Variants in UGT2B15 observed in about 807,000 individuals in gnomAD.
The protein encoded by UGT2B15 is UDP glucuronosyltransferase family 2 member B15.
Under a neutral mutation model 45.9 loss-of-function variants are expected in UGT2B15, and 36 were observed. That is an observed-to-expected ratio of 0.78 (90% CI 0.60 to 1.04). UGT2B15 has a LOEUF of 1.04. Among genes scored for constraint, UGT2B15 ranks in the 50% least tolerant of loss-of-function variants. The pLI is 0.00. For missense variants in UGT2B15, 617 were observed against 622.4 expected (o/e 0.99, Z 0.09); for synonymous variants, 219 against 216.4 (o/e 1.01, Z -0.11).
chr4:68,655,409 C>T (rs555597035), intron 3 of UGT2B15, among the ~76,000 whole-genome samples: 104 of 152,116 alleles, frequency 6.8e-4, no homozygotes, highest in African/African-American at 2.0e-3. Context: ...GAAATAATGA[C>T]ATTTCTAACA....
In UGT2B15 at chr4:68,646,876, G is replaced by A; in HGVS notation, c.*228C>T. On this transcript the variant is annotated 3_prime_UTR_variant, in exon 6 of 6. Transcript: ENST00000338206. ...TTTAACATTAGGTATATCTCCAAAT[G>A]CTATCCTTCCCCCCATTGTATTTTT... is the stretch of plus-strand genomic sequence containing the variant. The A allele has an allele frequency of 1.5e-6, 1 of 662,798 alleles. No individual in the cohort carries two copies. The highest frequency in any genetic ancestry group is 3.2e-5 in the Admixed American group (1 of 31,114). 41.1% of individuals were successfully genotyped at this position (662,798 alleles called of 1,614,324 possible).
intron 1 of UGT2B15, among the ~76,000 whole-genome samples, chr4:68,668,501 TTGAC>T (rs1292035855): frequency 6.6e-6 from 1 of 151,880 alleles, no homozygotes; most frequent in Non-Finnish European, 1.5e-5. Context: ...CTAATATGGT[TTGAC>T]TGTCCCCACC....
intron 3 of UGT2B15, among the ~76,000 whole-genome samples, chr4:68,660,981 C>T (rs1215083898): frequency 2.0e-5 from 3 of 151,834 alleles, no homozygotes; most frequent in Non-Finnish European, 2.9e-5. Context: ...TGTTTTTCTC[C>T]CTTTCTCCCT....
chr4:68,670,585 T>A lies in UGT2B15; in HGVS notation c.34A>T (p.Ile12Leu). The A allele has an allele frequency of 6.3e-7, 1 of 1,591,366 alleles. No individual in the cohort carries two copies. The change falls in exon 1 of 6, where the codon ATA becomes TTA. Residue 12 changes from isoleucine to leucine, a missense_variant. By Grantham distance (5) the Ile-to-Leu change is conservative (BLOSUM62 2). Around this residue, in one of 3 missense-constraint regions of UGT2B15, gnomAD observed 351 missense variants for 342.1 expected, o/e 1.03. Coordinates refer to ENST00000338206, the MANE Select transcript of UGT2B15 (RefSeq NM_001076.4). ...GAGCTAAAGTAACAACTGAGCTGTA[T>A]CAGCAGAAAGACTGACGTCCATTTC... ...SLKWTSVFLL[I>L]QLSCYFSSGS...
At chr4:68,663,652 A>T (rs1403781141) in intron 2 of UGT2B15, among the ~76,000 whole-genome samples, 2 of 152,046 alleles carry the variant, frequency 1.3e-5, no homozygotes, top group East Asian at 3.9e-4. Context: ...GTTAGTTACA[A>T]TTGGAATGAT....
rs181430652 is a variant in UGT2B15 at position 68,664,229 on chromosome 4, A to G, written c.874-1090T>C. Among the ~76,000 whole-genome samples the G allele has an allele frequency of 1.3e-3, 200 of 149,706 alleles. 2 individuals carry two copies. The highest frequency in any genetic ancestry group is 1.9e-3 in the Non-Finnish European group (127 of 67,694). ...TGTCCCTGTTTTTAAACTTAAATCC[A>G]TTCTCTAATGCCACATCGCTCAATG... On this transcript the variant is annotated intron_variant, in intron 2 of 5. Transcript: ENST00000338206.
At chr4:68,662,783 A>G (rs1255943066) in intron 3 of UGT2B15, among the ~76,000 whole-genome samples, 1 of 140,824 alleles carries the variant, frequency 7.1e-6, no homozygotes, top group Non-Finnish European at 1.5e-5. Flanking sequence ...TCTTAAATAT[A>G]TTTCCTTCTG....
chr4:68,655,306 G>A (rs1477336766), intron 3 of UGT2B15, 124 bp from the exon 4 acceptor site: 1 of 1,220,688 alleles, frequency 8.2e-7, no homozygotes, highest in Non-Finnish European at 1.2e-6. Flanking sequence ...ATAAGAAGAA[G>A]TGATGTCAAG....
chr4:68,651,772 T>C (rs1209764896), intron 5 of UGT2B15, among the ~76,000 whole-genome samples: 2 of 152,144 alleles, frequency 1.3e-5, no homozygotes, highest in Non-Finnish European at 2.9e-5. Flanking sequence ...TTTGGTTATG[T>C]AGCCTTGTAG....
Position 68,647,224 on chromosome 4 carries a change from A to C in UGT2B15, c.1473T>G (p.Ser491=), listed in dbSNP as rs976058419. 1.1e-5 allele frequency: 17 copies of C among 1,613,858 alleles called. No homozygotes were observed. Among genetic ancestry groups the C allele is most frequent in the African/African-American group, 4.0e-5 (3 of 74,864 alleles). The part of the protein sequence containing the change: ...AHNLTWIQYH[S]LDVIAFLLAC... Reference sequence around the variant, plus strand: ...CCAGCAGGAATGCTATCACATCCAAAGAGTGGTACTGGATCCAGGTGAGGT... The same window carrying C: ...CCAGCAGGAATGCTATCACATCCAACGAGTGGTACTGGATCCAGGTGAGGT... The change falls in exon 6 of 6, where the codon TCT becomes TCG. Residue 491 remains serine, a synonymous_variant. Transcript: ENST00000338206.
intron 5 of UGT2B15, among the ~76,000 whole-genome samples, chr4:68,651,656 T>C (rs973038169): frequency 1.3e-5 from 2 of 152,250 alleles, no homozygotes; most frequent in South Asian, 2.1e-4. Flanking sequence ...CTTGTTTTTG[T>C]CAGGTTTGTT....
Position 68,670,507 on chromosome 4 carries a change from T to G in UGT2B15, c.112A>C (p.Asn38His). 6.2e-7 allele frequency: 1 copy of G among 1,614,012 alleles called. No individual in the cohort carries two copies. The highest frequency in any genetic ancestry group is 8.5e-7 in the Non-Finnish European group (1 of 1,179,964). Reference sequence around the variant, plus strand: ...AGCTCTTCCAGGATTGTCTTCATATTTATCCAATGGCTGTATTCTGTGGGC... The same window carrying G: ...AGCTCTTCCAGGATTGTCTTCATATGTATCCAATGGCTGTATTCTGTGGGC... ...VWPTEYSHWI[N>H]MKTILEELVQ... The change falls in exon 1 of 6, where the codon AAT becomes CAT. Residue 38 changes from asparagine to histidine, a missense_variant. Around this residue, in one of 3 missense-constraint regions of UGT2B15, gnomAD observed 351 missense variants for 342.1 expected, o/e 1.03. Transcript: ENST00000338206.
intron 2 of UGT2B15, among the ~76,000 whole-genome samples, chr4:68,665,538 C>G (rs559086772): frequency 1.3e-5 from 2 of 152,136 alleles, no homozygotes; most frequent in African/African-American, 4.8e-5. Context: ...ATTCTCTGTA[C>G]AGTTTCATGT....
chr4:68,655,665 G>A lies in UGT2B15; in HGVS notation c.1006-483C>T, dbSNP rs533305659. Reference sequence around the variant, plus strand: ...CCTGGAAGCCCCTTCCATGCTTCAAGTTGCTCTGCCTTTGTTTCTAGCTGT... The same window carrying A: ...CCTGGAAGCCCCTTCCATGCTTCAAATTGCTCTGCCTTTGTTTCTAGCTGT... On this transcript the variant is annotated intron_variant, in intron 3 of 5. Coordinates refer to ENST00000338206, the MANE Select transcript of UGT2B15 (RefSeq NM_001076.4). Among the ~76,000 whole-genome samples the A allele has an allele frequency of 4.6e-5, 7 of 152,124 alleles. No individual in the cohort carries two copies. In the East Asian group the frequency reaches 1.4e-3, roughly 29 times the overall value.
intron 2 of UGT2B15, among the ~76,000 whole-genome samples, chr4:68,665,003 A>G (rs367767353): frequency 2.0e-5 from 3 of 152,192 alleles, no homozygotes; most frequent in Admixed American, 6.5e-5. Flanking sequence ...ATTCACTGCC[A>G]AAAGTCTGCT....
chr4:68,658,143 C>G (rs1732864652), intron 3 of UGT2B15, among the ~76,000 whole-genome samples: 1 of 151,936 alleles, frequency 6.6e-6, no homozygotes, highest in Non-Finnish European at 1.5e-5. Flanking sequence ...TCTAATATGG[C>G]AAAATGTAGT....
chr4:68,665,682 C>T (rs7670020), intron 2 of UGT2B15, among the ~76,000 whole-genome samples: 4 of 151,912 alleles, frequency 2.6e-5, no homozygotes, highest in Non-Finnish European at 5.9e-5. Flanking sequence ...GCAAATTTGT[C>T]GCAACAATTA....
Position 68,653,403 on chromosome 4 carries a change from A to G in UGT2B15, c.1313+634T>C, listed in dbSNP as rs1340440563. Among the ~76,000 whole-genome samples, 4 of 152,186 alleles carry G rather than the reference A, an allele frequency of 2.6e-5. No homozygotes were observed. In the South Asian group the frequency reaches 8.3e-4, roughly 32 times the overall value. ...TCATTTATGAAACACCATAAATTGT[A>G]TGATTTCATTTATATAAAATATGTG... On this transcript the variant is annotated intron_variant, in intron 5 of 5. Coordinates refer to ENST00000338206, the MANE Select transcript of UGT2B15 (RefSeq NM_001076.4).
At chr4:68,653,766 C>A (rs1732721857) in intron 5 of UGT2B15, among the ~76,000 whole-genome samples, 1 of 151,822 alleles carries the variant, frequency 6.6e-6, no homozygotes, top group African/African-American at 2.4e-5. Flanking sequence ...ATTGTGCATT[C>A]TATCATTAAA....
Sources: allele counts gnomAD v4.1 joint callset (sites outside exome capture counted in the v4.1 genomes callset), GRCh38; gene constraint gnomAD v4.1.1; regional missense constraint gnomAD v4.1.1; transcripts MANE v1.5; gene names NCBI Gene and HGNC (gene_info 2026-07-23, HGNC 2026-07-21).